FRMD6: variants seen among roughly 807,000 people sequenced by gnomAD.
The protein encoded by FRMD6 is FERM domain-containing protein 6.
In FRMD6, 37 loss-of-function variants were observed where a neutral mutation model predicts 73.2. The observed-to-expected ratio is 0.51, with a 90% confidence interval of 0.39 to 0.66. FRMD6 has a LOEUF of 0.66. Ranked by LOEUF, FRMD6 falls within the 30% of genes least tolerant of loss-of-function variation. FRMD6 has a pLI of 0.00. For synonymous variants in FRMD6, 273 were observed against 282.2 expected (o/e 0.97, Z 0.33); for missense variants, 714 against 780.5 (o/e 0.91, Z 1.02).
intron 1 of FRMD6, among the ~76,000 whole-genome samples, chr14:51,557,647 A>G (rs992891869): frequency 2.0e-5 from 3 of 152,218 alleles, no homozygotes; most frequent in Non-Finnish European, 4.4e-5. Flanking sequence ...GAAAATTGCT[A>G]AGAGAATAGA....
intron 1 of FRMD6, among the ~76,000 whole-genome samples, chr14:51,555,767 A>C (rs1457103668): frequency 6.7e-6 from 1 of 150,338 alleles, no homozygotes; most frequent in Non-Finnish European, 1.5e-5. Context: ...GTGCCATTGC[A>C]CTCCAGCCTG....
intron 1 of FRMD6, among the ~76,000 whole-genome samples, chr14:51,569,621 A>G (rs949757500): frequency 6.8e-6 from 1 of 147,012 alleles, no homozygotes; most frequent in Non-Finnish European, 1.5e-5. Context: ...CTTCCACCTC[A>G]GCCTTCCTGG....
At chr14:51,628,608 T>C (rs1891203660) in intron 2 of FRMD6, among the ~76,000 whole-genome samples, 1 of 150,488 alleles carries the variant, frequency 6.6e-6, no homozygotes, top group African/African-American at 2.4e-5. Context: ...AGGCCAGGAG[T>C]TCAAGACCAG....
intron 1 of FRMD6, among the ~76,000 whole-genome samples, chr14:51,490,719 T>C (rs1882951071): frequency 6.6e-6 from 1 of 152,144 alleles, no homozygotes; most frequent in Admixed American, 6.5e-5. Context: ...AGAGTTTTAG[T>C]GCAGTTACCG....
chr14:51,612,121 A>G (rs923040557), intron 2 of FRMD6, among the ~76,000 whole-genome samples: 5 of 152,224 alleles, frequency 3.3e-5, no homozygotes, highest in African/African-American at 1.2e-4. Context: ...TTCAAAAGAA[A>G]TGCCTGAACA....
intron 2 of FRMD6, among the ~76,000 whole-genome samples, chr14:51,571,778 A>G (rs1397650381): frequency 1.3e-5 from 2 of 152,242 alleles, no homozygotes; most frequent in Non-Finnish European, 2.9e-5. Context: ...GCTCTAAAAA[A>G]ATAATGCAGA....
chr14:51,506,501 AATC>A (rs1470079690), intron 1 of FRMD6, among the ~76,000 whole-genome samples: 1 of 152,200 alleles, frequency 6.6e-6, no homozygotes, highest in East Asian at 1.9e-4. Flanking sequence ...TGCCATACAC[AATC>A]ATCAGACTGG....
chr14:51,482,198 T>G, the FRMD6 span, among the ~76,000 whole-genome samples: 1 of 152,246 alleles, frequency 6.6e-6, no homozygotes, highest in African/African-American at 2.4e-5. Context: ...TACCTGACTT[T>G]GGACTTCACT....
At position 51,536,093 on chromosome 14, in the gene FRMD6, T is replaced by TAG. The variant is rs199698272; in HGVS notation, c.-209-34254_-209-34253insGA. ...TATATATATTTTATATATATATATA[T>TAG]ATATAGAGAGAGAGAGAGAGAAACA... is the stretch of plus-strand genomic sequence containing the variant. On this transcript the variant is annotated intron_variant, in intron 1 of 14. Transcript: ENST00000356218. Among the ~76,000 whole-genome samples the TAG allele has an allele frequency of 2.9e-4, 40 of 139,416 alleles. 1 individual carries two copies. The South Asian group carries it at 6.7e-3, about 23-fold the overall frequency. 91.5% of individuals were successfully genotyped at this position (139,416 alleles called of 152,430 possible).
At chr14:51,602,866 A>T (rs1254205544) in intron 2 of FRMD6, among the ~76,000 whole-genome samples, 1 of 152,252 alleles carries the variant, frequency 6.6e-6, no homozygotes, top group Non-Finnish European at 1.5e-5. Context: ...AAAGAAACAA[A>T]ACTTCATGCT....
At position 51,719,101 on chromosome 14, in the gene FRMD6, C is replaced by A. The variant is rs2140608321; in HGVS notation, c.1025-954C>A. Among the ~76,000 whole-genome samples the A allele has an allele frequency of 1.3e-5, 2 of 152,280 alleles. 1 individual carries two copies. Among genetic ancestry groups the A allele is most frequent in the South Asian group, 4.1e-4 (2 of 4,822 alleles). On this transcript the variant is annotated intron_variant, in intron 10 of 13. Transcript: ENST00000344768. ...TTATTTCTCACCAGTATTAAAAAGGCAAGGAATCTAAACTTCTTCCTTGTT... is the reference window on the plus strand; with the variant it reads ...TTATTTCTCACCAGTATTAAAAAGGAAAGGAATCTAAACTTCTTCCTTGTT...
the FRMD6 span, among the ~76,000 whole-genome samples, chr14:51,467,378 C>CA: frequency 2.0e-5 from 3 of 152,242 alleles, no homozygotes; most frequent in Non-Finnish European, 4.4e-5. Context: ...TCCACACAGA[C>CA]ATAGCAACAA....
chr14:51,430,892 G>A, the FRMD6 span, among the ~76,000 whole-genome samples: 1 of 152,166 alleles, frequency 6.6e-6, no homozygotes, highest in Non-Finnish European at 1.5e-5. Context: ...AAGAATCTGT[G>A]GTGTGGCTCT....
In FRMD6 at chr14:51,507,529, T is replaced by A. The variant is rs139869473; in HGVS notation, c.-210+18109T>A. Among the ~76,000 whole-genome samples, 18 of 152,268 alleles carry A rather than the reference T, an allele frequency of 1.2e-4. No homozygotes were observed. In the East Asian group the frequency reaches 3.3e-3, roughly 28 times the overall value. On this transcript the variant is annotated intron_variant, in intron 1 of 14. Coordinates refer to the FRMD6 transcript ENST00000356218. ...GCCACAGACCTTTTCAAAATTCTAC[T>A]ATAGGGGAAAATCATCTTTAAAAGT...
intron 1 of FRMD6, chr14:51,546,545 A>G (rs922506988): frequency 6.8e-6 from 1 of 148,012 alleles, no homozygotes; most frequent in African/African-American, 2.5e-5. Flanking sequence ...GTAAGAGTAT[A>G]TCTAACAGGG....
At chr14:51,504,472 T>C (rs1450634686) in intron 1 of FRMD6, among the ~76,000 whole-genome samples, 1 of 152,242 alleles carries the variant, frequency 6.6e-6, no homozygotes, top group Non-Finnish European at 1.5e-5. Context: ...TGTACTTTTT[T>C]TGTGCTGGCT....
At chr14:51,456,128 A>G in the FRMD6 span, among the ~76,000 whole-genome samples, 1 of 151,950 alleles carries the variant, frequency 6.6e-6, no homozygotes, top group Admixed American at 6.6e-5. Flanking sequence ...CTGTGGGAAT[A>G]TTTCTTTTTC....
the FRMD6 span, among the ~76,000 whole-genome samples, chr14:51,426,931 T>C: frequency 6.6e-6 from 1 of 152,206 alleles, no homozygotes; most frequent in Non-Finnish European, 1.5e-5. Flanking sequence ...AGAATTTGCC[T>C]GAGCCCAAAA....
rs369032387 is a variant in FRMD6 at position 51,676,088 on chromosome 14, T to G, written c.-146-13603T>G. On this transcript the variant is annotated intron_variant, in intron 1 of 13. Transcript: ENST00000344768. ...ATACTAGATTAAGCTAAATTGTTTT[T>G]TACCCATGGGAGTTTTGGAATATAA... Among the ~76,000 whole-genome samples, 53 of 152,248 alleles carry G rather than the reference T, an allele frequency of 3.5e-4. No homozygotes were observed. In the South Asian group the frequency reaches 0.011, roughly 32 times the overall value.
Sources: gnomAD v4.1 joint callset for allele counts (sites outside exome capture counted in the v4.1 genomes callset) on GRCh38, gnomAD v4.1.1 for gene constraint, MANE v1.5 for transcripts, NCBI Gene and HGNC (gene_info 2026-07-23, HGNC 2026-07-21) for gene names.